Variants in ARFGEF1 observed in about 807,000 individuals in gnomAD.
ARFGEF1 encodes ARF guanine nucleotide exchange factor 1, also known as brefeldin A-inhibited guanine nucleotide-exchange protein 1.
ARFGEF1 carries 42 observed loss-of-function variants against 231.0 expected under a neutral mutation model. That is an observed-to-expected ratio of 0.18 (90% confidence interval 0.14 to 0.24). The LOEUF (loss-of-function observed/expected upper bound fraction) is 0.24, where lower values mean the gene tolerates loss of function less well. ARFGEF1 is among the 10% of genes least tolerant of loss of function. The pLI is 1.00. For missense variants in ARFGEF1, 1,345 were observed against 2,192.0 expected (o/e 0.61, Z 7.72); for synonymous variants, 710 against 732.3 (o/e 0.97, Z 0.49).
chr8:67,189,933 A>G (rs779285333), intron 5 of ARFGEF1, among the ~76,000 whole-genome samples: 4 of 152,232 alleles, frequency 2.6e-5, no homozygotes, highest in Admixed American at 6.5e-5. Flanking sequence ...TAGAATGATT[A>G]TAAGCAAAAA....
chr8:67,225,768 A>G (rs956745965), intron 28 of ARFGEF1, among the ~76,000 whole-genome samples: 2 of 152,146 alleles, frequency 1.3e-5, no homozygotes, highest in Admixed American at 1.3e-4. Context: ...CTATAACACT[A>G]TCTACCCCAT....
chr8:67,185,321 G>A (rs924325192), intron 5 of ARFGEF1, among the ~76,000 whole-genome samples: 4 of 152,092 alleles, frequency 2.6e-5, no homozygotes, highest in Non-Finnish European at 4.4e-5. Flanking sequence ...ACTAAAGGCC[G>A]ACAAAGATTA....
At chr8:67,252,174 A>G (rs1840307329) in intron 18 of ARFGEF1, among the ~76,000 whole-genome samples, 1 of 149,720 alleles carries the variant, frequency 6.7e-6, no homozygotes, top group Non-Finnish European at 1.5e-5. Flanking sequence ...CGGGAGGCTG[A>G]GGCAGGAGAA....
chr8:67,248,046 GGATTA>G (rs2128882874), intron 19 of ARFGEF1, among the ~76,000 whole-genome samples: 1 of 149,944 alleles, frequency 6.7e-6, no homozygotes, highest in South Asian at 2.1e-4. Context: ...TTATGTTTAT[GGATTA>G]GAAGAATCAA....
At chr8:67,296,315 A>C in intron 5 of ARFGEF1, 116 bp downstream of exon 5, 3 of 978,710 alleles carry the variant, frequency 3.1e-6, no homozygotes, top group Non-Finnish European at 4.4e-6. Context: ...TGGAAATGTA[A>C]ATAAAAGACA....
chr8:67,296,951 C>G (rs1010601449), intron 4 of ARFGEF1, among the ~76,000 whole-genome samples: 7 of 152,128 alleles, frequency 4.6e-5, no homozygotes, highest in African/African-American at 1.7e-4. Context: ...CACACCCAGC[C>G]TTAAAGTGAT....
chr8:67,269,438 G>A (rs951806230), intron 10 of ARFGEF1, among the ~76,000 whole-genome samples: 2 of 146,678 alleles, frequency 1.4e-5, no homozygotes, highest in Non-Finnish European at 3.0e-5. Flanking sequence ...CTGCAACCTC[G>A]GCCTCCCAGG....
At chr8:67,283,635 A>C (rs1348832969) in intron 7 of ARFGEF1, among the ~76,000 whole-genome samples, 1 of 152,194 alleles carries the variant, frequency 6.6e-6, no homozygotes, top group East Asian at 1.9e-4. Flanking sequence ...TAATACATAA[A>C]GGATTCTTAA....
intron 34 of ARFGEF1, among the ~76,000 whole-genome samples, chr8:67,205,391 A>T (rs551906467): frequency 1.6e-4 from 24 of 152,316 alleles, no homozygotes; most frequent in African/African-American, 4.8e-4. Flanking sequence ...TTCTTCTTCC[A>T]ATGTGGCTCA....
At chr8:67,179,124 G>A (rs1832383229) in intron 5 of ARFGEF1, among the ~76,000 whole-genome samples, 1 of 152,174 alleles carries the variant, frequency 6.6e-6, no homozygotes, top group African/African-American at 2.4e-5. Context: ...GCAGGGAGGT[G>A]GAGTTGGATG....
intron 36 of ARFGEF1, among the ~76,000 whole-genome samples, chr8:67,202,361 G>C (rs1838363217): frequency 6.6e-6 from 1 of 152,084 alleles, no homozygotes; most frequent in Admixed American, 6.6e-5. Context: ...CTGGGCTCAA[G>C]TGATCCTCCC....
At chr8:67,173,590 T>G (rs1830903779), downstream of ARFGEF1, 1 of 152,106 alleles carries the variant, frequency 6.6e-6, no homozygotes, top group Non-Finnish European at 1.5e-5. Context: ...ATCACTTTAG[T>G]CAAACTACCT....
chr8:67,287,967 T>A lies in ARFGEF1; in HGVS notation c.1015A>T (p.Ile339Phe). 1 of 1,584,530 alleles carries A rather than the reference T, an allele frequency of 6.3e-7. No homozygotes were observed. The highest frequency in any genetic ancestry group is 8.5e-7 in the Non-Finnish European group (1 of 1,170,088). ...TGAAGTATACTACCTCCAACAACAA[T>A]GTTCACCATTTCTTCTACAATGTTC... ...VQNIVEEMVN[I>F]VVGDMGEGTT... Residue 339 changes from isoleucine (I) to phenylalanine (F), a missense_variant, in exon 7 of 39, where the codon ATT (isoleucine) becomes TTT (phenylalanine). This residue lies in a region of ARFGEF1 where 398 missense variants were observed against 463.2 expected (regional missense o/e 0.86). Transcript: ENST00000262215.
Position 67,265,994 on chromosome 8 carries a change from T to G in ARFGEF1, c.2123+12A>C. On this transcript the variant is annotated intron_variant, in intron 14 of 38. Transcript: ENST00000262215. ...TATTCAATAACATTTCTCCTTAAGCTATGACACTTACAAATCTATCCCTTG... is the reference window on the plus strand; with the variant it reads ...TATTCAATAACATTTCTCCTTAAGCGATGACACTTACAAATCTATCCCTTG... 3.1e-6 allele frequency: 5 copies of G among 1,612,236 alleles called. No individual in the cohort carries two copies. The highest frequency in any genetic ancestry group is 3.4e-6 in the Non-Finnish European group (4 of 1,178,564).
chr8:67,328,048 G>C (rs1310585773), intron 1 of ARFGEF1, among the ~76,000 whole-genome samples: 1 of 151,930 alleles, frequency 6.6e-6, no homozygotes, highest in Admixed American at 6.6e-5. Context: ...GAAAGAAAGG[G>C]GTGGAGAGAT....
chr8:67,319,978 T>C (rs1222578991), intron 1 of ARFGEF1, among the ~76,000 whole-genome samples: 4 of 152,018 alleles, frequency 2.6e-5, no homozygotes, highest in South Asian at 2.1e-4. Context: ...CCTAGCACTT[T>C]GGGAGGCCGA....
rs868375121 is a variant in ARFGEF1, at chr8:67,343,674, C to G, written c.-387G>C. 4 of 945,692 alleles carry G rather than the reference C, an allele frequency of 4.2e-6. No homozygotes were observed. The African/African-American group carries it at 5.3e-5, about 13-fold the overall frequency. 58.6% of individuals were successfully genotyped at this position (945,692 alleles called of 1,614,324 possible). A position where few individuals can be genotyped will look rare whatever the true frequency, so the allele number is the denominator to read the frequency against. On this transcript the variant is annotated 5_prime_UTR_variant, in exon 1 of 39. Transcript: ENST00000262215. ...GAGGTGGCGGCGGCTCTCAGAGGCACCGCGAGAGAAGGGCTACCCTGGCTA... is the reference window on the plus strand; with the variant it reads ...GAGGTGGCGGCGGCTCTCAGAGGCAGCGCGAGAGAAGGGCTACCCTGGCTA...
At chr8:67,243,066 T>C (rs1163041828) in intron 19 of ARFGEF1, among the ~76,000 whole-genome samples, 1 of 152,234 alleles carries the variant, frequency 6.6e-6, no homozygotes, top group Non-Finnish European at 1.5e-5. Context: ...ATAGTATCTC[T>C]GGACCTGCCT....
intron 5 of ARFGEF1, among the ~76,000 whole-genome samples, chr8:67,179,330 A>G (rs1241212287): frequency 6.6e-6 from 1 of 152,112 alleles, no homozygotes. Flanking sequence ...GGCTGTCATA[A>G]TCTGAGAGTA....
Sources: allele counts gnomAD v4.1 joint callset (sites outside exome capture counted in the v4.1 genomes callset), GRCh38; gene constraint gnomAD v4.1.1; regional missense constraint gnomAD v4.1.1; transcripts MANE v1.5; gene names NCBI Gene and HGNC (gene_info 2026-07-23, HGNC 2026-07-21).